The following PIKFYVE variants were observed in gnomAD, a reference collection of about 807,000 sequenced individuals.
PIKFYVE encodes phosphoinositide kinase, FYVE-type zinc finger containing.
A neutral mutation model predicts 257.9 loss-of-function variants in PIKFYVE; 122 were observed. The ratio of observed to expected loss-of-function variants is 0.47; its 90% CI spans 0.41 to 0.55. PIKFYVE has a LOEUF of 0.55. Among genes scored for constraint, PIKFYVE ranks in the 20% least tolerant of loss-of-function variants. PIKFYVE has a pLI of 0.00. For synonymous variants in PIKFYVE, 892 were observed against 868.9 expected, an observed-to-expected ratio of 1.03 and a Z score of -0.47; for missense variants, 2,160 against 2,536.6, an observed-to-expected ratio of 0.85 and a Z score of 3.19.
At chr2:208,321,573 TTG>T (rs1418131182) in intron 17 of PIKFYVE, among the ~76,000 whole-genome samples, 251 of 10,758 alleles carry the variant, frequency 0.023, 1 homozygote, top group Admixed American at 0.056. Flanking sequence ...TTCTTTTCTT[TTG>T]TTTTTTTTTT....
chr2:208,320,469 A>G, intron 17 of PIKFYVE, 110 bp downstream of exon 17: 1 of 1,344,078 alleles, frequency 7.4e-7, no homozygotes, highest in Non-Finnish European at 1.0e-6. Context: ...TTGGATAGGC[A>G]AACTTGATAG....
intron 17 of PIKFYVE, among the ~76,000 whole-genome samples, chr2:208,323,115 TTAG>T (rs1425077417): frequency 2.0e-5 from 3 of 150,844 alleles, no homozygotes; most frequent in African/African-American, 7.3e-5. Context: ...TTTATTATTA[TTAG>T]TAGTAGTATA....
At position 208,288,832 on chromosome 2, in the gene PIKFYVE, T is replaced by G; in HGVS notation, c.911+14T>G. On this transcript the variant is annotated intron_variant, in intron 7 of 41. Coordinates refer to ENST00000264380, the MANE Select transcript of PIKFYVE (RefSeq NM_015040.4). Reference sequence around the variant, plus strand: ...TGCTCGAAATAGGTAAACTGACAAATGAAAACACTGTGCTCTCTGATGTTT... The same window carrying G: ...TGCTCGAAATAGGTAAACTGACAAAGGAAAACACTGTGCTCTCTGATGTTT... 1.9e-6 allele frequency: 3 copies of G among 1,613,072 alleles called. No individual in the cohort carries two copies. Among genetic ancestry groups the G allele is most frequent in the Non-Finnish European group, 2.5e-6 (3 of 1,179,110 alleles).
chr2:208,323,551 A>C (rs986349622), intron 17 of PIKFYVE, among the ~76,000 whole-genome samples: 1 of 152,150 alleles, frequency 6.6e-6, no homozygotes, highest in Non-Finnish European at 1.5e-5. Context: ...TGCTATTGTG[A>C]ATAGTGCCGC....
chr2:208,288,534 A>G (rs565587485), intron 6 of PIKFYVE, among the ~76,000 whole-genome samples, 195 bp from the exon 7 acceptor site: 39 of 152,326 alleles, frequency 2.6e-4, no homozygotes, highest in Admixed American at 1.2e-3. Flanking sequence ...TCGGCATTTT[A>G]TATTCTTAAA....
rs1477624526 is a variant in PIKFYVE, at chr2:208,324,929, A to G, written c.2350A>G (p.Ser784Gly). The change falls in exon 19 of 42, where the codon AGT becomes GGT. Residue 784 changes from serine to glycine, a missense_variant. By Grantham distance (56) the Ser-to-Gly change is moderately conservative (BLOSUM62 0). Coordinates refer to ENST00000264380, the MANE Select transcript of PIKFYVE (RefSeq NM_015040.4). ...TTTGTAGCAAGTTTTGGAACGAATC[A>G]GTCGAATGACCCAAGGTGATTTAGT... ...NVKSQVLERI[S>G]RMTQGDLVMS... The G allele has an allele frequency of 6.2e-7, 1 of 1,614,098 alleles. No homozygotes were observed. The highest frequency in any genetic ancestry group is 1.1e-5 in the South Asian group (1 of 91,088).
intron 10 of PIKFYVE, among the ~76,000 whole-genome samples, chr2:208,303,932 A>C (rs1466510804): frequency 6.6e-6 from 1 of 152,234 alleles, no homozygotes; most frequent in Admixed American, 6.5e-5. Flanking sequence ...GTATCAAAAA[A>C]ATGTTTTGTT....
At chr2:208,273,519 A>G (rs1689701013) in intron 2 of PIKFYVE, 65 bp from the exon 3 acceptor site, 5 of 1,604,464 alleles carry the variant, frequency 3.1e-6, no homozygotes, top group Middle Eastern at 1.7e-4. Flanking sequence ...GAAAATTTTC[A>G]TCTACTTCCT....
intron 18 of PIKFYVE, among the ~76,000 whole-genome samples, chr2:208,324,592 C>T (rs1334695180): frequency 2.6e-5 from 4 of 152,082 alleles, no homozygotes; most frequent in Non-Finnish European, 4.4e-5. Context: ...GACGTTCTCT[C>T]CCTTGAAAAG....
intron 21 of PIKFYVE, 125 bp downstream of exon 21, chr2:208,328,405 T>C: frequency 2.7e-6 from 3 of 1,114,594 alleles, no homozygotes; most frequent in East Asian, 2.5e-5. Flanking sequence ...GCTGGTCATA[T>C]ATGAATTGAT....
chr2:208,321,570 CTTTTGT>C (rs1414483473), intron 17 of PIKFYVE, among the ~76,000 whole-genome samples: 10 of 10,598 alleles, frequency 9.4e-4, no homozygotes, highest in African/African-American at 1.3e-3. Flanking sequence ...TTTTTCTTTT[CTTTTGT>C]TTTTTTTTTT....
intron 9 of PIKFYVE, 41 bp downstream of exon 9, chr2:208,301,135 T>A: frequency 6.2e-7 from 1 of 1,604,930 alleles, no homozygotes; most frequent in Non-Finnish European, 8.5e-7. Context: ...TTTGTTTATT[T>A]TGAATGAGAA....
rs372043847 is a variant in PIKFYVE at position 208,330,578 on chromosome 2, C to T, written c.3847C>T (p.Arg1283Trp). 1.1e-5 allele frequency: 17 copies of T among 1,614,028 alleles called. No individual in the cohort carries two copies. The highest frequency in any genetic ancestry group is 5.3e-5 in the African/African-American group (4 of 74,912). The change falls in exon 23 of 42, where the codon CGG (arginine) becomes TGG (tryptophan). Residue 1283 changes from arginine to tryptophan, a missense_variant. Coordinates refer to ENST00000264380, the MANE Select transcript of PIKFYVE (RefSeq NM_015040.4). ...FCDTPMVHHI[R>W]RFVHGQGCVQ... ...TGATACCCCCATGGTACATCATATT[C>T]GGCGCTTTGTTCATGGCCAAGGCTG...
intron 17 of PIKFYVE, among the ~76,000 whole-genome samples, chr2:208,320,857 A>G (rs1441261395): frequency 6.6e-6 from 1 of 152,214 alleles, no homozygotes; most frequent in East Asian, 1.9e-4. Context: ...CTCAGCTGCT[A>G]CACAGGCAGA....
chr2:208,342,591 C>T lies in PIKFYVE; in HGVS notation c.4969C>T (p.Arg1657Ter), dbSNP rs1335089589. The T allele has an allele frequency of 6.2e-6, 10 of 1,613,908 alleles. No homozygotes were observed. Among genetic ancestry groups the T allele is most frequent in the South Asian group, 1.1e-5 (1 of 91,086 alleles). Residue 1657 changes from arginine (R) to a stop codon, truncating the protein, a stop_gained, in exon 32 of 42, where the codon CGA (arginine) becomes TGA (stop). Transcript: ENST00000264380. LOFTEE classifies it high-confidence loss of function. ...ACACTACTTAATGTATGAACATGAA[C>T]GAGTGCCCATTGCAGTCTGCGAGAA... ...DKHYLMYEHE[R>*]VPIAVCEKEP... is the part of the protein sequence containing the mutation.
chr2:208,350,660 A>G (rs537628688), intron 36 of PIKFYVE, 111 bp from the exon 37 acceptor site: 2 of 1,147,468 alleles, frequency 1.7e-6, no homozygotes, highest in Admixed American at 1.8e-5. Context: ...AAATGCCATC[A>G]TGAAGAAACT....
chr2:208,324,319 A>C (rs778687858), intron 18 of PIKFYVE, 37 bp downstream of exon 18: 2 of 1,602,450 alleles, frequency 1.2e-6, no homozygotes, highest in Non-Finnish European at 1.7e-6. Flanking sequence ...TTTTAAAAAA[A>C]TCACAGCTTT....
chr2:208,273,016 G>A (rs905900840), intron 2 of PIKFYVE, among the ~76,000 whole-genome samples: 3 of 151,926 alleles, frequency 2.0e-5, no homozygotes, highest in Admixed American at 6.6e-5. Flanking sequence ...TATATTCTAG[G>A]ATCCCATTTG....
intron 10 of PIKFYVE, among the ~76,000 whole-genome samples, chr2:208,303,443 C>A (rs569561727): frequency 6.6e-6 from 1 of 152,094 alleles, no homozygotes; most frequent in Non-Finnish European, 1.5e-5. Context: ...ACAATTAATA[C>A]ATATTTTGTA....
Sources: gnomAD v4.1 joint callset for allele counts (sites outside exome capture counted in the v4.1 genomes callset) on GRCh38, gnomAD v4.1.1 for gene constraint, MANE v1.5 for transcripts, NCBI Gene and HGNC (gene_info 2026-07-23, HGNC 2026-07-21) for gene names.